Variants in BUB1B observed in about 807,000 individuals in gnomAD.
BUB1B encodes the protein BUB1 mitotic checkpoint serine/threonine kinase B, also known as mitotic checkpoint serine/threonine-protein kinase BUB1 beta.
BUB1B carries 86 observed loss-of-function variants against 137.7 expected under a neutral mutation model. That is an observed-to-expected ratio of 0.62 (90% CI 0.52 to 0.75). The LOEUF (loss-of-function observed/expected upper bound fraction) is 0.75. BUB1B is among the 30% of genes least tolerant of loss of function. The pLI, the probability that BUB1B is intolerant of heterozygous loss-of-function variation, is 0.00. For missense variants in BUB1B, 1,130 were observed against 1,236.9 expected (o/e 0.91, Z 1.30); for synonymous variants, 420 against 417.9 (o/e 1.00, Z -0.06).
Position 40,181,520 on chromosome 15 carries a change from C to G in BUB1B, c.582-2194C>G, listed in dbSNP as rs530770062. On this transcript the variant is annotated intron_variant, in intron 5 of 22. Coordinates refer to ENST00000287598, the MANE Select transcript of BUB1B (RefSeq NM_001211.6). ...AAATGATTTTTTATACCTATTATCT[C>G]TTTCTTCTTTCTCTCTCTGAGACTT... is the stretch of plus-strand genomic sequence containing the variant. 4.9e-4 allele frequency among the ~76,000 whole-genome samples: 74 copies of G among 152,220 alleles called. 1 individual carries two copies. The South Asian group carries it at 0.014, about 30-fold the overall frequency.
chr15:40,165,715 T>C (rs1005989020), intron 2 of BUB1B, among the ~76,000 whole-genome samples: 1 of 152,134 alleles, frequency 6.6e-6, no homozygotes, highest in Non-Finnish European at 1.5e-5. Flanking sequence ...TTGATAAATA[T>C]GCTTTTTAAA....
In BUB1B at chr15:40,185,569, T is replaced by G; in HGVS notation, c.985T>G (p.Ser329Ala). ...TCTCCAGCCTCGTGGCAATACAGCT[T>G]CACTGATAGCTGTACCCGCTGTGCT... ...LEHRPRGNTA[S>A]LIAVPAVLPS... is the part of the protein sequence containing the mutation. The change falls in exon 8 of 23, where the codon TCA becomes GCA. Residue 329 changes from serine (S) to alanine (A), a missense_variant. Physicochemically the swap from Ser to Ala is moderately conservative, Grantham distance 99. Coordinates refer to ENST00000287598, the MANE Select transcript of BUB1B (RefSeq NM_001211.6). The G allele has an allele frequency of 6.2e-7, 1 of 1,614,148 alleles. No individual in the cohort carries two copies. Among genetic ancestry groups the G allele is most frequent in the Non-Finnish European group, 8.5e-7 (1 of 1,179,952 alleles).
At chr15:40,164,137 T>C (rs1217409274) in intron 1 of BUB1B, among the ~76,000 whole-genome samples, 1 of 152,226 alleles carries the variant, frequency 6.6e-6, no homozygotes, top group African/African-American at 2.4e-5. Flanking sequence ...ACTGTGTTTG[T>C]TTGCTTCTGC....
In BUB1B at chr15:40,220,756, G is replaced by T; in HGVS notation, c.3150G>T (p.Gln1050His). 1 of 1,614,020 alleles carries T rather than the reference G, an allele frequency of 6.2e-7. No individual in the cohort carries two copies. The highest frequency in any genetic ancestry group is 8.5e-7 in the Non-Finnish European group (1 of 1,179,888). ...CTAGTCCTGGGGCTTTGCTCTTTCA[G>T]TGAGCTAGGCAATCAAGTCTCACAG... ...KLTSPGALLF[Q>H] Residue 1050 changes from glutamine to histidine, a missense_variant, in exon 23 of 23, where the codon CAG becomes CAT. Transcript: ENST00000287598.
At chr15:40,204,429 A>G (rs1409956663) in intron 14 of BUB1B, among the ~76,000 whole-genome samples, 1 of 129,104 alleles carries the variant, frequency 7.7e-6, no homozygotes, top group African/African-American at 2.8e-5. Flanking sequence ...AAGGAGTCCA[A>G]CTTCATTTAC....
At chr15:40,186,508 G>A (rs570953099) in intron 8 of BUB1B, among the ~76,000 whole-genome samples, 24 of 143,646 alleles carry the variant, frequency 1.7e-4, no homozygotes, top group African/African-American at 5.2e-4. Context: ...GCAGTGGTGC[G>A]ATCTGGGCTC....
At position 40,185,327 on chromosome 15, in the gene BUB1B, A is replaced by G; in HGVS notation, c.914A>G (p.Glu305Gly). 1 of 1,614,228 alleles carries G rather than the reference A, an allele frequency of 6.2e-7. No individual in the cohort carries two copies. Among genetic ancestry groups the G allele is most frequent in the Non-Finnish European group, 8.5e-7 (1 of 1,180,044 alleles). The change falls in exon 7 of 23, where the codon GAG (glutamate) becomes GGG (glycine). Residue 305 changes from glutamate (E) to glycine (G), a missense_variant. Glu to Gly is a moderately conservative substitution (Grantham distance 98). Transcript: ENST00000287598. The stretch of plus-strand genomic sequence containing the variant: ...GCACCCCCCATGCCCAGGGCCAAAG[A>G]GAATGAGCTGCAAGCAGGCCCTTGG... ...WIAPPMPRAK[E>G]NELQAGPWNT... is the part of the protein sequence containing the mutation.
intron 18 of BUB1B, among the ~76,000 whole-genome samples, chr15:40,210,651 A>G (rs2140906739): frequency 6.6e-6 from 1 of 152,228 alleles, no homozygotes; most frequent in Middle Eastern, 3.4e-3. Flanking sequence ...CTGGGACCGT[A>G]GGTGCACGCC....
At chr15:40,206,930 C>T (rs1252576430) in intron 15 of BUB1B, among the ~76,000 whole-genome samples, 4 of 152,164 alleles carry the variant, frequency 2.6e-5, no homozygotes, top group African/African-American at 9.7e-5. Context: ...CTGCCTCAGC[C>T]TCCCAAGTAG....
At position 40,179,563 on chromosome 15, in the gene BUB1B, T is replaced by C. The variant is rs367799286; in HGVS notation, c.581+2890T>C. ...AAATAGTTGGGTCTTGTTTTTTCTG[T>C]GAACTCTAACAATATCTTTTTTGTT... On this transcript the variant is annotated intron_variant, in intron 5 of 22. Coordinates refer to ENST00000287598, the MANE Select transcript of BUB1B (RefSeq NM_001211.6). 1.8e-4 allele frequency among the ~76,000 whole-genome samples: 28 copies of C among 152,296 alleles called. 1 individual carries two copies. In the East Asian group the frequency reaches 4.4e-3, roughly 24 times the overall value.
At chr15:40,197,017 C>T (rs1366180647) in intron 9 of BUB1B, among the ~76,000 whole-genome samples, 3 of 152,106 alleles carry the variant, frequency 2.0e-5, no homozygotes, top group Admixed American at 2.0e-4. Flanking sequence ...GGTGTGGGGG[C>T]ACTGAGTATG....
In BUB1B at chr15:40,202,603, C is replaced by A; in HGVS notation, c.1643C>A (p.Pro548His). Residue 548 changes from proline (P) to histidine (H), a missense_variant, in exon 14 of 23, where the codon CCC (proline) becomes CAC (histidine). Coordinates refer to ENST00000287598, the MANE Select transcript of BUB1B (RefSeq NM_001211.6). ...TCTTTTTCCAGTCCTCCTGCAGATCCCCCACGAGTTTTAGCTCAACGAAGA... is the reference window on the plus strand; with the variant it reads ...TCTTTTTCCAGTCCTCCTGCAGATCACCCACGAGTTTTAGCTCAACGAAGA... ...EKKNKSPPAD[P>H]PRVLAQRRPL... 6.2e-7 allele frequency: 1 copy of A among 1,613,814 alleles called. No homozygotes were observed. The highest frequency in any genetic ancestry group is 1.1e-5 in the South Asian group (1 of 91,076).
rs796845668 is a variant in BUB1B, at chr15:40,165,001, G to A, written c.36-52G>A. The A allele has an allele frequency of 6.8e-6, 11 of 1,607,458 alleles. No homozygotes were observed. The African/African-American group carries it at 1.5e-4, about 21-fold the overall frequency. On this transcript the variant is annotated intron_variant, in intron 1 of 22. Transcript: ENST00000287598. ...CGGAAGACATTTACAATAATCTAGTGCTATAATAGTCAATGTTGGTATGAG... is the reference window on the plus strand; with the variant it reads ...CGGAAGACATTTACAATAATCTAGTACTATAATAGTCAATGTTGGTATGAG...
rs138332995 is a variant in BUB1B at position 40,202,590 on chromosome 15, C to G, written c.1630C>G (p.Pro544Ala). ...FLLSEKKNKS[P>A]PADPPRVLAQ... ...TAAGTGAGGTATGTCTTTTTCCAGT[C>G]CTCCTGCAGATCCCCCACGAGTTTT... Residue 544 changes from proline (P) to alanine (A), a missense_variant and splice_region_variant, in exon 14 of 23, where the codon CCT becomes GCT. Pro to Ala is a conservative substitution (Grantham distance 27). Transcript: ENST00000287598. 6.2e-7 allele frequency: 1 copy of G among 1,613,734 alleles called. No individual in the cohort carries two copies. Among genetic ancestry groups the G allele is most frequent in the South Asian group, 1.1e-5 (1 of 91,076 alleles).
At chr15:40,188,398 C>A (rs2037394959) in intron 8 of BUB1B, among the ~76,000 whole-genome samples, 1 of 151,928 alleles carries the variant, frequency 6.6e-6, no homozygotes, top group Admixed American at 6.6e-5. Flanking sequence ...GACCTCTCCA[C>A]ACATTTTTCT....
At position 40,196,596 on chromosome 15, in the gene BUB1B, G is replaced by T; in HGVS notation, c.1110G>T (p.Lys370Asn). 2 of 1,613,938 alleles carry T rather than the reference G, an allele frequency of 1.2e-6. No homozygotes were observed. The highest frequency in any genetic ancestry group is 1.6e-4 in the Middle Eastern group (1 of 6,062). Residue 370 changes from lysine to asparagine, a missense_variant, in exon 9 of 23, where the codon AAG becomes AAT. Transcript: ENST00000287598. ...PSINHILSTR[K>N]PGKEEGDPLQ... ...TAAACCACATCCTAAGCACCAGAAA[G>T]CCTGGAAAGGAAGAAGGAGATCCTC...
intron 16 of BUB1B, among the ~76,000 whole-genome samples, chr15:40,209,408 A>AGC (rs1425999534): frequency 4.6e-5 from 7 of 152,262 alleles, no homozygotes; most frequent in Non-Finnish European, 8.8e-5. Flanking sequence ...TGGGCAACAG[A>AGC]GCGAGACTCC....
chr15:40,220,462 C>A, intron 22 of BUB1B, 102 bp from the exon 23 acceptor site: 1 of 1,217,962 alleles, frequency 8.2e-7, no homozygotes, highest in Non-Finnish European at 1.2e-6. Context: ...TAGGTATTAC[C>A]TTACACCATT....
chr15:40,169,765 AC>A (rs1312637263), intron 2 of BUB1B, among the ~76,000 whole-genome samples: 2 of 151,572 alleles, frequency 1.3e-5, no homozygotes, highest in East Asian at 3.9e-4. Flanking sequence ...GGTGCTTGGC[AC>A]CACACCCAGC....
Sources: gnomAD v4.1 joint callset for allele counts (sites outside exome capture counted in the v4.1 genomes callset) on GRCh38, gnomAD v4.1.1 for gene constraint, MANE v1.5 for transcripts, NCBI Gene and HGNC (gene_info 2026-07-23, HGNC 2026-07-21) for gene names.